WLS: variants seen among roughly 807,000 people sequenced by gnomAD.
WLS encodes the protein protein wntless homolog.
WLS carries 23 observed loss-of-function variants against 62.8 expected under a neutral mutation model. That is an observed-to-expected ratio of 0.37 (90% CI 0.26 to 0.52). The LOEUF is 0.52. WLS is among the 20% of genes least tolerant of loss of function. WLS has a pLI of 0.92. For synonymous variants in WLS, 246 were observed against 244.1 expected (o/e 1.01, Z -0.07); for missense variants, 615 against 697.3 (o/e 0.88, Z 1.33).
intron 9 of WLS, among the ~76,000 whole-genome samples, chr1:68,144,880 G>A (rs1646733142): frequency 6.6e-6 from 1 of 152,124 alleles, no homozygotes; most frequent in East Asian, 1.9e-4. Context: ...GCAGCGATAC[G>A]AGAGCCTGGG....
intron 11 of WLS, among the ~76,000 whole-genome samples, chr1:68,116,321 G>A (rs1257618049): frequency 6.6e-6 from 1 of 152,180 alleles, no homozygotes; most frequent in East Asian, 1.9e-4. Context: ...ACAACCACAC[G>A]GGGTAAGGCC....
intron 5 of WLS, 58 bp downstream of exon 5, chr1:68,153,459 G>A: frequency 6.2e-7 from 1 of 1,608,130 alleles, no homozygotes; most frequent in East Asian, 2.2e-5. Context: ...AAAAGCAAGA[G>A]CTTGGCAGAT....
intron 11 of WLS, chr1:68,127,025 TA>T (rs373548601): frequency 9.6e-3 from 3,093 of 320,592 alleles, no homozygotes; most frequent in South Asian, 0.014. Context: ...ACCCTGACTC[TA>T]AAAAAAAAAT....
intron 11 of WLS, among the ~76,000 whole-genome samples, chr1:68,103,651 TGAG>T (rs1646106799): frequency 6.6e-6 from 1 of 152,118 alleles, no homozygotes; most frequent in African/African-American, 2.4e-5. Flanking sequence ...TAACTCCAAA[TGAG>T]GAGAAGCAAG....
chr1:68,227,405 C>CAAAA (rs59704442), intron 1 of WLS, among the ~76,000 whole-genome samples: 4 of 112,820 alleles, frequency 3.5e-5, no homozygotes, highest in Non-Finnish European at 3.6e-5. Flanking sequence ...GACTCCGTCA[C>CAAAA]AAAAAAAAAA....
chr1:68,168,936 C>A (rs1647104464), intron 2 of WLS, among the ~76,000 whole-genome samples: 1 of 152,228 alleles, frequency 6.6e-6, no homozygotes, highest in African/African-American at 2.4e-5. Context: ...ATGGACTCAG[C>A]TAATTACAAA....
chr1:68,110,657 GTCTCTCTCTCTCTCTCTC>G (rs55965951), intron 11 of WLS, among the ~76,000 whole-genome samples: 5 of 113,970 alleles, frequency 4.4e-5, no homozygotes, highest in Admixed American at 8.8e-5. Flanking sequence ...AAAAATCTCT[GTCTCTCTCTCTCTCTCTC>G]TCTCTCTCTC....
intron 2 of WLS, among the ~76,000 whole-genome samples, chr1:68,164,702 G>T (rs1647036180): frequency 6.6e-6 from 1 of 152,158 alleles, no homozygotes; most frequent in Non-Finnish European, 1.5e-5. Flanking sequence ...AAAGTACCAG[G>T]GGTTGCAGAA....
At chr1:68,158,514 G>T (rs1013388491) in intron 3 of WLS, among the ~76,000 whole-genome samples, 1 of 151,822 alleles carries the variant, frequency 6.6e-6, no homozygotes, top group African/African-American at 2.4e-5. Flanking sequence ...CAATCTTTTG[G>T]CTTCTCTGGG....
chr1:68,138,526 A>G (rs1358394345), intron 10 of WLS: 1 of 152,232 alleles, frequency 6.6e-6, no homozygotes, highest in African/African-American at 2.4e-5. Flanking sequence ...CCTGGCAGGT[A>G]CTCAGTAAAT....
chr1:68,193,837 T>C, intron 2 of WLS, 118 bp downstream of exon 2: 1 of 1,328,674 alleles, frequency 7.5e-7, no homozygotes, highest in South Asian at 1.5e-5. Context: ...TGGGAAGTAG[T>C]CAATAATTGT....
At chr1:68,193,097 G>A (rs200807741) in intron 2 of WLS, among the ~76,000 whole-genome samples, 22 of 150,492 alleles carry the variant, frequency 1.5e-4, no homozygotes, top group African/African-American at 3.9e-4. Context: ...CAACAAGAGC[G>A]AAACTCTGTT....
chr1:68,212,002 C>T (rs1363607622), intron 1 of WLS, among the ~76,000 whole-genome samples: 1 of 152,166 alleles, frequency 6.6e-6, no homozygotes, highest in Non-Finnish European at 1.5e-5. Flanking sequence ...ATTCTGATTA[C>T]AAAGGAGGCA....
intron 1 of WLS, chr1:68,228,302 T>C (rs1182652448): frequency 2.3e-6 from 1 of 427,640 alleles, no homozygotes; most frequent in Non-Finnish European, 4.6e-6. Context: ...CTGATCTTCA[T>C]ACTCTTAGCA....
intron 1 of WLS, chr1:68,228,352 C>T (rs1650254375): frequency 2.9e-6 from 1 of 342,614 alleles, no homozygotes; most frequent in Non-Finnish European, 5.7e-6. Flanking sequence ...CTTTTTCAAC[C>T]ATTATATTTC....
chr1:68,171,348 A>C (rs956299796), intron 2 of WLS, among the ~76,000 whole-genome samples: 2 of 152,240 alleles, frequency 1.3e-5, no homozygotes, highest in African/African-American at 4.8e-5. Context: ...GCTTCTGCAC[A>C]GCAAAAGAAA....
At chr1:68,203,823 C>G (rs1222052296) in intron 1 of WLS, among the ~76,000 whole-genome samples, 1 of 152,124 alleles carries the variant, frequency 6.6e-6, no homozygotes, top group Non-Finnish European at 1.5e-5. Context: ...AACAATGGCA[C>G]AGTTTGACTC....
intron 2 of WLS, among the ~76,000 whole-genome samples, chr1:68,183,170 G>C (rs183103657): frequency 1.5e-4 from 23 of 152,326 alleles, no homozygotes; most frequent in Non-Finnish European, 2.9e-4. Flanking sequence ...GGGATTACAG[G>C]TGTGAACCAC....
intron 1 of WLS, among the ~76,000 whole-genome samples, chr1:68,214,441 T>C (rs1355097547): frequency 6.6e-5 from 10 of 152,174 alleles, no homozygotes; most frequent in South Asian, 6.2e-4. Flanking sequence ...CTTGGCTCAC[T>C]GCAACCTCTG....
Sources: gnomAD v4.1 joint callset for allele counts (sites outside exome capture counted in the v4.1 genomes callset) on GRCh38, gnomAD v4.1.1 for gene constraint, MANE v1.5 for transcripts, NCBI Gene and HGNC (gene_info 2026-07-23, HGNC 2026-07-21) for gene names.